The following PDE4D variants were observed in gnomAD, a reference collection of about 807,000 sequenced individuals.
PDE4D encodes 3',5'-cyclic-AMP phosphodiesterase 4D.
Under a neutral mutation model 87.4 loss-of-function variants are expected in PDE4D, and 24 were observed. That is an observed-to-expected ratio of 0.27 (90% CI 0.20 to 0.39). The LOEUF is 0.39. Among genes scored for constraint, PDE4D ranks in the 10% least tolerant of loss-of-function variants. The pLI, the probability that PDE4D is intolerant of heterozygous loss-of-function variation, is 1.00. For synonymous variants in PDE4D, 384 were observed against 383.2 expected (o/e 1.00, Z -0.02); for missense variants, 714 against 1,041.0 (o/e 0.69, Z 4.32).
At chr5:60,015,848 C>T (rs1325461719) in intron 2 of PDE4D, among the ~76,000 whole-genome samples, 15 of 151,578 alleles carry the variant, frequency 9.9e-5, no homozygotes, top group Admixed American at 6.6e-5. Flanking sequence ...CCATCCTGCA[C>T]GTTTTGGACT....
intron 6 of PDE4D, among the ~76,000 whole-genome samples, chr5:59,016,751 A>G (rs1163442547): frequency 6.6e-6 from 1 of 152,158 alleles, no homozygotes; most frequent in Non-Finnish European, 1.5e-5. Flanking sequence ...TTTAAACATC[A>G]GAGTTTTTTA....
chr5:60,231,890 T>C (rs569866464), intron 1 of PDE4D, among the ~76,000 whole-genome samples: 12 of 152,064 alleles, frequency 7.9e-5, no homozygotes, highest in African/African-American at 2.9e-4. Flanking sequence ...AGTTGCATAA[T>C]AGTTGTATGC....
At chr5:59,630,989 C>T (rs914837061) in intron 1 of PDE4D, among the ~76,000 whole-genome samples, 1 of 151,984 alleles carries the variant, frequency 6.6e-6, no homozygotes, top group Non-Finnish European at 1.5e-5. Flanking sequence ...AAAATGAGGT[C>T]ATACTCTTGA....
intron 1 of PDE4D, among the ~76,000 whole-genome samples, chr5:59,368,627 ACTT>A (rs1350099438): frequency 2.0e-5 from 3 of 152,198 alleles, no homozygotes; most frequent in Non-Finnish European, 4.4e-5. Context: ...AATTTTGGAT[ACTT>A]CTTGCAAAAA....
At chr5:60,421,984 A>C (rs1345771828) in intron 1 of PDE4D, among the ~76,000 whole-genome samples, 1 of 152,244 alleles carries the variant, frequency 6.6e-6, no homozygotes, top group Non-Finnish European at 1.5e-5. Flanking sequence ...CAAGAAGACA[A>C]GTTTAGAGAA....
intron 1 of PDE4D, among the ~76,000 whole-genome samples, chr5:60,306,911 G>C (rs1190075467): frequency 6.6e-6 from 1 of 152,040 alleles, no homozygotes; most frequent in African/African-American, 2.4e-5. Flanking sequence ...AGTTATTTCA[G>C]AATTACACTA....
At chr5:60,228,953 T>C (rs932651334) in intron 1 of PDE4D, among the ~76,000 whole-genome samples, 8 of 152,100 alleles carry the variant, frequency 5.3e-5, no homozygotes, top group Admixed American at 2.0e-4. Flanking sequence ...TGAGAATGGC[T>C]ATGGTTTTAA....
intron 5 of PDE4D, among the ~76,000 whole-genome samples, chr5:59,072,520 C>T (rs904365962): frequency 1.3e-5 from 2 of 152,150 alleles, no homozygotes; most frequent in Admixed American, 6.5e-5. Flanking sequence ...TGTCTAGGGA[C>T]GGTTTTACAT....
At chr5:59,424,160 A>T (rs1562160900) in intron 1 of PDE4D, among the ~76,000 whole-genome samples, 1 of 152,108 alleles carries the variant, frequency 6.6e-6, no homozygotes, top group South Asian at 2.1e-4. Context: ...TCCCTGGGTA[A>T]TTTTTGTTTC....
intron 1 of PDE4D, among the ~76,000 whole-genome samples, chr5:59,304,142 A>T (rs1581854613): frequency 1.3e-5 from 2 of 150,844 alleles, no homozygotes; most frequent in African/African-American, 2.4e-5. Context: ...ATTTTATTTT[A>T]TTTTTTTTAC....
intron 2 of PDE4D, among the ~76,000 whole-genome samples, chr5:60,063,084 AAAGAAAGAAAG>A (rs1312697922): frequency 5.8e-4 from 77 of 132,726 alleles, no homozygotes; most frequent in African/African-American, 2.1e-3. Flanking sequence ...AAGAAGAAAG[AAAGAAAGAAAG>A]AAGAAAGAAA....
intron 3 of PDE4D, among the ~76,000 whole-genome samples, chr5:59,964,733 G>T (rs996602128): frequency 6.6e-6 from 1 of 152,074 alleles, no homozygotes; most frequent in Admixed American, 6.6e-5. Flanking sequence ...AACTCTTGTT[G>T]CACTCTCCTA....
At chr5:60,056,374 A>G (rs1369470473) in intron 2 of PDE4D, among the ~76,000 whole-genome samples, 1 of 152,054 alleles carries the variant, frequency 6.6e-6, no homozygotes, top group Non-Finnish European at 1.5e-5. Flanking sequence ...TCATAATGTG[A>G]ATGATGAAGG....
chr5:59,329,337 T>C (rs1167316289), intron 1 of PDE4D, among the ~76,000 whole-genome samples: 1 of 152,142 alleles, frequency 6.6e-6, no homozygotes, highest in Non-Finnish European at 1.5e-5. Context: ...AATGTTTTCA[T>C]GGAATCATTT....
chr5:59,192,195 C>T (rs1472506331), intron 3 of PDE4D, among the ~76,000 whole-genome samples: 2 of 152,010 alleles, frequency 1.3e-5, no homozygotes, highest in Non-Finnish European at 2.9e-5. Flanking sequence ...ATACATAATC[C>T]TACTATCTAA....
At chr5:59,809,807 T>C (rs2152677346) in intron 1 of PDE4D, among the ~76,000 whole-genome samples, 1 of 152,302 alleles carries the variant, frequency 6.6e-6, no homozygotes, top group South Asian at 2.1e-4. Flanking sequence ...TACTCCTGAC[T>C]TAGATTCAGA....
intron 1 of PDE4D, among the ~76,000 whole-genome samples, chr5:59,707,354 GTC>G (rs1034764572): frequency 6.6e-6 from 1 of 152,080 alleles, no homozygotes; most frequent in Non-Finnish European, 1.5e-5. Context: ...AGAAAATACA[GTC>G]TCTGCCTTTA....
At chr5:59,366,960 G>C (rs1469369858) in intron 1 of PDE4D, among the ~76,000 whole-genome samples, 1 of 152,152 alleles carries the variant, frequency 6.6e-6, no homozygotes. Context: ...AATGATTACT[G>C]AACACTCAGC....
Position 60,402,259 on chromosome 5 carries a change from G to A in PDE4D, c.-90+85683C>T, listed in dbSNP as rs114835636. Among the ~76,000 whole-genome samples, 1,001 of 152,242 alleles carry A rather than the reference G, an allele frequency of 6.6e-3. 13 individuals are homozygous for A. Among genetic ancestry groups the A allele is most frequent in the African/African-American group, 0.021 (878 of 41,530 alleles). ...CTGCAGAACATCCTGGAGGTTGTGC[G>A]ACATACATGGGAAGACATGCGAATT... On this transcript the variant is annotated intron_variant, in intron 1 of 16. Transcript: ENST00000502484.
Sources: allele counts gnomAD v4.1 joint callset (sites outside exome capture counted in the v4.1 genomes callset), GRCh38; gene constraint gnomAD v4.1.1; transcripts MANE v1.5; gene names NCBI Gene and HGNC (gene_info 2026-07-23, HGNC 2026-07-21).